SLC9A1: variants seen among roughly 807,000 people sequenced by gnomAD.
The protein encoded by SLC9A1 is sodium/hydrogen exchanger 1.
SLC9A1 carries 22 observed loss-of-function variants against 67.9 expected under a neutral mutation model. That is an observed-to-expected ratio of 0.32 (90% CI 0.23 to 0.46). The LOEUF is 0.46. Among genes scored for constraint, SLC9A1 ranks in the 20% least tolerant of loss-of-function variants. SLC9A1 has a pLI of 1.00. For missense variants in SLC9A1, 686 were observed against 1,094.8 expected, an observed-to-expected ratio of 0.63 and a Z score of 5.27; for synonymous variants, 421 against 471.8, an observed-to-expected ratio of 0.89 and a Z score of 1.40.
intron 1 of SLC9A1, among the ~76,000 whole-genome samples, chr1:27,115,779 C>G (rs570946729): frequency 1.3e-5 from 2 of 152,140 alleles, no homozygotes; most frequent in African/African-American, 4.8e-5. Flanking sequence ...CTCTCCTCCC[C>G]TTCCCTATCT....
chr1:27,129,228 AG>A (rs765569613), intron 1 of SLC9A1, among the ~76,000 whole-genome samples: 1 of 152,104 alleles, frequency 6.6e-6, no homozygotes, highest in Non-Finnish European at 1.5e-5. Flanking sequence ...CTCTATCTCA[AG>A]GGGGTCCCCT....
rs1297635191 is a variant in SLC9A1, at chr1:27,155,066, C to G, written c.-732G>C. Among the ~76,000 whole-genome samples the G allele has an allele frequency of 6.6e-6, 1 of 152,048 alleles. No homozygotes were observed. Among genetic ancestry groups the G allele is most frequent in the Non-Finnish European group, 1.5e-5 (1 of 67,974 alleles). Reference sequence around the variant, plus strand: ...GCGGCGCTCCGCCCCGGCCCAGCTGCAGCTCCTCCTGGTCCAGCTCCAGAA... The same window carrying G: ...GCGGCGCTCCGCCCCGGCCCAGCTGGAGCTCCTCCTGGTCCAGCTCCAGAA... On this transcript the variant is annotated 5_prime_UTR_variant, in exon 1 of 12. Coordinates refer to ENST00000263980, the MANE Select transcript of SLC9A1 (RefSeq NM_003047.5). The surrounding 1 kb of genome is among the most constrained non-coding windows in gnomAD (Gnocchi z 4.5).
rs530984001 is a variant in SLC9A1, at chr1:27,118,143, C to A, written c.353-3857G>T. ...AGCTCCAGAGTACCTGGGGCTGGAG[C>A]CATGTTCCTGGAGCTGGTTTCCCTG... On this transcript the variant is annotated intron_variant, in intron 1 of 11. Transcript: ENST00000263980. This position sits in a 1 kb window ranked among gnomAD's most constrained non-coding sequence, Gnocchi z 4.3. 6.6e-6 allele frequency among the ~76,000 whole-genome samples: 1 copy of A among 152,208 alleles called. No homozygotes were observed. Among genetic ancestry groups the A allele is most frequent in the Non-Finnish European group, 1.5e-5 (1 of 68,052 alleles).
chr1:27,107,234 CCCTACA>C (rs2083193626), intron 4 of SLC9A1, among the ~76,000 whole-genome samples: 6 of 101,066 alleles, frequency 5.9e-5, no homozygotes, highest in Non-Finnish European at 6.2e-5. Context: ...CACACCCAAC[CCCTACA>C]CACACACCCA....
At chr1:27,121,172 A>G (rs1000689345) in intron 1 of SLC9A1, among the ~76,000 whole-genome samples, 2 of 152,076 alleles carry the variant, frequency 1.3e-5, no homozygotes, top group Non-Finnish European at 2.9e-5. Flanking sequence ...CAGCACTTCT[A>G]TTTCTTGCTT....
Position 27,100,194 on chromosome 1 carries a change from TA to T in SLC9A1, c.*112del, listed in dbSNP as rs1217412116. ...GGCTGTGGGCCCAGCTGCCATGCGG[TA>T]GGGGGAGGGGCAGGGCCAATCCGGG... is the stretch of plus-strand genomic sequence containing the variant. On this transcript the variant is annotated 3_prime_UTR_variant, in exon 12 of 12. Coordinates refer to ENST00000263980, the MANE Select transcript of SLC9A1 (RefSeq NM_003047.5). This position sits in a 1 kb window ranked among gnomAD's most constrained non-coding sequence, Gnocchi z 5.6. 1.1e-5 allele frequency: 8 copies of T among 712,142 alleles called. No homozygotes were observed. Among genetic ancestry groups the T allele is most frequent in the Non-Finnish European group, 1.7e-5 (8 of 459,476 alleles). The allele number at this position is 712,142 out of a possible 1,614,324, so 44.1% of individuals were successfully genotyped here. A position where few individuals can be genotyped will look rare whatever the true frequency, so the allele number is the denominator to read the frequency against.
At chr1:27,152,464 T>C (rs967850985) in intron 1 of SLC9A1, among the ~76,000 whole-genome samples, 1 of 152,208 alleles carries the variant, frequency 6.6e-6, no homozygotes, top group Non-Finnish European at 1.5e-5. Flanking sequence ...TTCAGCTTCT[T>C]ACAGCAAATC....
intron 1 of SLC9A1, among the ~76,000 whole-genome samples, chr1:27,124,369 A>C (rs541418000): frequency 6.6e-6 from 1 of 152,358 alleles, no homozygotes; most frequent in East Asian, 1.9e-4. Context: ...TATTGCTTCC[A>C]GTTGAAAGTC....
At chr1:27,136,594 C>G (rs1379546237) in intron 1 of SLC9A1, among the ~76,000 whole-genome samples, 1 of 152,156 alleles carries the variant, frequency 6.6e-6, no homozygotes, top group Non-Finnish European at 1.5e-5. Flanking sequence ...AATTCCCAGC[C>G]CTGCCCAGGC....
intron 1 of SLC9A1, among the ~76,000 whole-genome samples, chr1:27,115,144 C>T (rs1055182006): frequency 1.1e-4 from 16 of 152,154 alleles, no homozygotes; most frequent in African/African-American, 3.9e-4. Context: ...GCCCCAGTTC[C>T]CATCAAACTG....
At chr1:27,142,346 C>A (rs2083457899) in intron 1 of SLC9A1, among the ~76,000 whole-genome samples, 1 of 152,260 alleles carries the variant, frequency 6.6e-6, no homozygotes, top group Non-Finnish European at 1.5e-5. Flanking sequence ...ATCAAAACAT[C>A]TCCATTTCCC....
chr1:27,152,577 T>C lies in SLC9A1; in HGVS notation c.352+1406A>G, dbSNP rs144754966. On this transcript the variant is annotated intron_variant, in intron 1 of 11. Transcript: ENST00000263980. ...AAAAGGCCTCAGCTATTCAAGGTCA[T>C]GCATTTATGTCAGAATCAGTACACA... Among the ~76,000 whole-genome samples, 318 of 152,306 alleles carry C rather than the reference T, an allele frequency of 2.1e-3. 1 individual carries two copies. Among genetic ancestry groups the C allele is most frequent in the Non-Finnish European group, 3.8e-3 (258 of 68,014 alleles).
Position 27,121,944 on chromosome 1 carries a change from GA to G in SLC9A1, c.353-7659del, listed in dbSNP as rs1413312553. Among the ~76,000 whole-genome samples, 17 of 152,238 alleles carry G rather than the reference GA, an allele frequency of 1.1e-4. 1 individual carries two copies. The South Asian group carries it at 3.5e-3, about 32-fold the overall frequency. ...TCGAGATTAGCCTGGCCAACATGGT[GA>G]AAATCCATCTCTACTAAAAATACAA... On this transcript the variant is annotated intron_variant, in intron 1 of 11. Transcript: ENST00000263980.
intron 1 of SLC9A1, among the ~76,000 whole-genome samples, chr1:27,126,778 G>T (rs1166637608): frequency 6.6e-6 from 1 of 152,174 alleles, no homozygotes; most frequent in African/African-American, 2.4e-5. Context: ...GTCATGTCTG[G>T]TTTAACTTTT....
In SLC9A1 at chr1:27,106,309, G is replaced by A. The variant is rs1204679601; in HGVS notation, c.1283-222C>T. ...TTCCCCAACCTGGATGTGCTTTAGA[G>A]ACATCATGGAGGCCTCCAGTGGCTG... On this transcript the variant is annotated intron_variant, in intron 4 of 11. Coordinates refer to ENST00000263980, the MANE Select transcript of SLC9A1 (RefSeq NM_003047.5). The surrounding 1 kb of genome is among the most constrained non-coding windows in gnomAD (Gnocchi z 4.3). Among the ~76,000 whole-genome samples the A allele has an allele frequency of 3.3e-5, 5 of 152,194 alleles. No individual in the cohort carries two copies. The highest frequency in any genetic ancestry group is 5.9e-5 in the Non-Finnish European group (4 of 68,026).
At position 27,100,439 on chromosome 1, in the gene SLC9A1, T is replaced by C. The variant is rs774447529; in HGVS notation, c.2316A>G (p.Pro772=). The C allele has an allele frequency of 2.5e-6, 4 of 1,612,988 alleles. No individual in the cohort carries two copies. The highest frequency in any genetic ancestry group is 2.2e-5 in the South Asian group (2 of 91,042). ...IMMRSKETSS[P]GTDDVFTPAP... ...CGGGGGTGAAGACATCGTCGGTTCCTGGGGACGAAGTCTCCTTGCTCCGCA... is the reference window on the plus strand; with the variant it reads ...CGGGGGTGAAGACATCGTCGGTTCCCGGGGACGAAGTCTCCTTGCTCCGCA... Residue 772 remains proline (P), a synonymous_variant, in exon 12 of 12, where the codon CCA becomes CCG. Coordinates refer to ENST00000263980, the MANE Select transcript of SLC9A1 (RefSeq NM_003047.5). This position sits in a 1 kb window ranked among gnomAD's most constrained non-coding sequence, Gnocchi z 5.6.
chr1:27,119,042 A>AAC (rs35231148), intron 1 of SLC9A1, among the ~76,000 whole-genome samples: 16,151 of 139,258 alleles, frequency 0.12, 922 homozygotes, highest in East Asian at 0.18. Flanking sequence ...AGCTGGAACG[A>AAC]ACACACACAC....
At chr1:27,116,103 T>C (rs2083270643) in intron 1 of SLC9A1, among the ~76,000 whole-genome samples, 9 of 152,082 alleles carry the variant, frequency 5.9e-5, no homozygotes, top group Admixed American at 5.9e-4. Flanking sequence ...CTCACGCCTG[T>C]AATCCCAGCA....
chr1:27,120,597 G>A (rs1450882244), intron 1 of SLC9A1, among the ~76,000 whole-genome samples: 1 of 151,934 alleles, frequency 6.6e-6, no homozygotes, highest in African/African-American at 2.4e-5. Flanking sequence ...AATTAGCCAG[G>A]TGTGGTGGCA....
Sources: allele counts gnomAD v4.1 joint callset (sites outside exome capture counted in the v4.1 genomes callset), GRCh38; gene constraint gnomAD v4.1.1; non-coding constraint Gnocchi (gnomAD v3.1); transcripts MANE v1.5; gene names NCBI Gene and HGNC (gene_info 2026-07-23, HGNC 2026-07-21).